ZNRF3: variants seen among roughly 807,000 people sequenced by gnomAD.
ZNRF3 encodes the protein E3 ubiquitin-protein ligase ZNRF3.
ZNRF3 carries 23 observed loss-of-function variants against 72.5 expected under a neutral mutation model. The observed-to-expected ratio is 0.32, with a 90% CI of 0.23 to 0.45. The LOEUF (loss-of-function observed/expected upper bound fraction) is 0.45. Ranked by LOEUF, ZNRF3 falls within the 20% of genes least tolerant of loss-of-function variation. ZNRF3 has a pLI of 1.00. For missense variants in ZNRF3, 1,169 were observed against 1,272.1 expected (o/e 0.92, Z 1.23); for synonymous variants, 610 against 545.3 (o/e 1.12, Z -1.65).
chr22:28,885,733 C>T (rs1038764977), intron 1 of ZNRF3, among the ~76,000 whole-genome samples: 2 of 152,014 alleles, frequency 1.3e-5, no homozygotes, highest in African/African-American at 4.8e-5. Context: ...AGCGAGCTAT[C>T]CATTATGAGG....
intron 1 of ZNRF3, among the ~76,000 whole-genome samples, chr22:28,941,442 T>A (rs1160056690): frequency 2.0e-5 from 3 of 152,226 alleles, no homozygotes; most frequent in Admixed American, 2.0e-4. Flanking sequence ...ATAAGATGAC[T>A]TTATTACTTT....
intron 1 of ZNRF3, among the ~76,000 whole-genome samples, chr22:28,904,396 G>A (rs770744762): frequency 6.6e-6 from 1 of 152,134 alleles, no homozygotes; most frequent in Non-Finnish European, 1.5e-5. Context: ...TCAACTGCTC[G>A]TTCACTTTTT....
chr22:28,939,518 C>G lies in ZNRF3; in HGVS notation c.301-47558C>G, dbSNP rs117808211. On this transcript the variant is annotated intron_variant, in intron 1 of 8. Coordinates refer to ENST00000544604, the MANE Select transcript of ZNRF3 (RefSeq NM_001206998.2). ...AGAAACAAGGACAGAACGAAATCCC[C>G]CGGTCTTTTATCTCTAAGACCAAAT... Among the ~76,000 whole-genome samples the G allele has an allele frequency of 1.6e-3, 241 of 152,114 alleles. No homozygotes were observed. The East Asian group carries it at 0.019, about 12-fold the overall frequency.
intron 2 of ZNRF3, among the ~76,000 whole-genome samples, chr22:29,038,951 C>CAT (rs369747542): frequency 0.013 from 1,934 of 150,712 alleles, 21 homozygotes; most frequent in Non-Finnish European, 0.019. Context: ...ATTTAAGCAC[C>CAT]ATATATATAT....
chr22:28,905,149 T>C (rs2034182461), intron 1 of ZNRF3, among the ~76,000 whole-genome samples: 1 of 152,022 alleles, frequency 6.6e-6, no homozygotes, highest in African/African-American at 2.4e-5. Flanking sequence ...GTTGCCCAGG[T>C]TGATCTCGAA....
intron 1 of ZNRF3, among the ~76,000 whole-genome samples, chr22:28,934,487 A>G (rs1038903617): frequency 8.5e-5 from 13 of 152,190 alleles, no homozygotes; most frequent in African/African-American, 3.1e-4. Context: ...CCTGTAATGC[A>G]AGAAGACATA....
At chr22:28,884,739 A>G (rs2033743907) in intron 1 of ZNRF3, among the ~76,000 whole-genome samples, 1 of 152,204 alleles carries the variant, frequency 6.6e-6, no homozygotes, top group South Asian at 2.1e-4. Flanking sequence ...TCCCTCGGCC[A>G]AAGACTGATG....
chr22:28,978,912 T>A (rs2035720829), intron 1 of ZNRF3, among the ~76,000 whole-genome samples: 3 of 152,336 alleles, frequency 2.0e-5, no homozygotes, highest in Non-Finnish European at 4.4e-5. Context: ...TTATATCACA[T>A]AGGTCATACC....
chr22:28,966,650 G>T (rs1051806492), intron 1 of ZNRF3, among the ~76,000 whole-genome samples: 7 of 151,782 alleles, frequency 4.6e-5, no homozygotes, highest in African/African-American at 1.2e-4. Context: ...AAAAAGTTTT[G>T]ATAGAAAAAA....
rs780250301 is a variant in ZNRF3 at position 29,049,682 on chromosome 22, C to T, written c.1501C>T (p.Pro501Ser). 3.1e-6 allele frequency: 5 copies of T among 1,607,960 alleles called. No individual in the cohort carries two copies. The highest frequency in any genetic ancestry group is 4.2e-6 in the Non-Finnish European group (5 of 1,179,126). Residue 501 changes from proline to serine, a missense_variant, in exon 8 of 9, where the codon CCG becomes TCG. Around this residue, in one of 2 missense-constraint regions of ZNRF3, gnomAD observed 783 missense variants for 731.4 expected, o/e 1.07. Transcript: ENST00000544604. The surrounding 1 kb of genome is among the most constrained non-coding windows in gnomAD (Gnocchi z 5.2). ...CCGGGGCCCGGCCCGTGCCTTTCCT[C>T]CGAGCGGCAGTGGCAGCCTGCTCTT... ...APRGPARAFP[P>S]SGSGSLLFPT...
At chr22:28,909,053 A>T (rs778829478) in intron 1 of ZNRF3, among the ~76,000 whole-genome samples, 1 of 150,934 alleles carries the variant, frequency 6.6e-6, no homozygotes, top group Non-Finnish European at 1.5e-5. Context: ...ACGCTGCCAC[A>T]CCCAGCTAAT....
At chr22:28,906,191 G>C (rs1204732744) in intron 1 of ZNRF3, among the ~76,000 whole-genome samples, 3 of 152,226 alleles carry the variant, frequency 2.0e-5, no homozygotes, top group African/African-American at 7.2e-5. Context: ...ACTGAGTGTA[G>C]TGGTGCACGT....
chr22:29,051,442 C>G (rs549850779), intron 8 of ZNRF3, among the ~76,000 whole-genome samples: 1 of 152,086 alleles, frequency 6.6e-6, no homozygotes, highest in Admixed American at 6.5e-5. Context: ...ATTCTCGTTA[C>G]TCAGTACAAA....
Position 29,049,812 on chromosome 22 carries a change from C to G in ZNRF3, c.1631C>G (p.Ala544Gly). 6.2e-7 allele frequency: 1 copy of G among 1,607,328 alleles called. No individual in the cohort carries two copies. Among genetic ancestry groups the G allele is most frequent in the South Asian group, 1.1e-5 (1 of 90,398 alleles). ...CGCTCGGTGTGCAGTGGCTACCTGGCCGACTGCCCAGGCAGCGACAGCAGC... is the reference window on the plus strand; with the variant it reads ...CGCTCGGTGTGCAGTGGCTACCTGGGCGACTGCCCAGGCAGCGACAGCAGC... ...GHRSVCSGYLADCPGSDSSSS... is the reference protein window; with the variant it reads ...GHRSVCSGYLGDCPGSDSSSS... Residue 544 changes from alanine (A) to glycine (G), a missense_variant, in exon 8 of 9, where the codon GCC becomes GGC. Transcript: ENST00000544604. This position sits in a 1 kb window ranked among gnomAD's most constrained non-coding sequence, Gnocchi z 5.2.
intron 1 of ZNRF3, among the ~76,000 whole-genome samples, chr22:28,887,496 G>A (rs1038219026): frequency 1.3e-5 from 2 of 152,034 alleles, no homozygotes; most frequent in Non-Finnish European, 2.9e-5. Context: ...TCTCCTTTGC[G>A]TTTTAGGCTT....
At chr22:28,916,736 C>CT (rs1181104992) in intron 1 of ZNRF3, among the ~76,000 whole-genome samples, 3 of 152,160 alleles carry the variant, frequency 2.0e-5, no homozygotes, top group African/African-American at 7.2e-5. Flanking sequence ...GCCGCTGTCC[C>CT]TTTTGCTTTT....
chr22:28,889,107 C>G (rs547571831), intron 1 of ZNRF3, among the ~76,000 whole-genome samples: 1 of 151,138 alleles, frequency 6.6e-6, no homozygotes, highest in East Asian at 2.0e-4. Flanking sequence ...AGAGCGAGAC[C>G]CCGTCTCAAA....
chr22:28,985,205 A>G (rs1474675856), intron 1 of ZNRF3, among the ~76,000 whole-genome samples: 1 of 152,144 alleles, frequency 6.6e-6, no homozygotes, highest in Non-Finnish European at 1.5e-5. Context: ...CTTTCAGTGC[A>G]CAATCTTCTG....
chr22:29,021,819 A>C (rs2036546785), intron 2 of ZNRF3, among the ~76,000 whole-genome samples: 1 of 152,152 alleles, frequency 6.6e-6, no homozygotes, highest in Non-Finnish European at 1.5e-5. Flanking sequence ...TATAATAGAC[A>C]TGTGATAAAC....
Sources: gnomAD v4.1 joint callset for allele counts (sites outside exome capture counted in the v4.1 genomes callset) on GRCh38, gnomAD v4.1.1 for gene constraint, gnomAD v4.1.1 regional missense constraint, Gnocchi (gnomAD v3.1) non-coding constraint, MANE v1.5 for transcripts, NCBI Gene and HGNC (gene_info 2026-07-23, HGNC 2026-07-21) for gene names.